The following PIP5K1B variants were observed in gnomAD, a reference collection of about 807,000 sequenced individuals.
The protein encoded by PIP5K1B is phosphatidylinositol 4-phosphate 5-kinase type-1 beta.
In PIP5K1B, 42 loss-of-function variants were observed where a neutral mutation model predicts 67.0. That is an observed-to-expected ratio of 0.63 (90% CI 0.49 to 0.81). PIP5K1B has a LOEUF of 0.81. PIP5K1B is among the 30% of genes least tolerant of loss of function. PIP5K1B has a pLI of 0.00. For synonymous variants in PIP5K1B, 214 were observed against 231.4 expected (o/e 0.92, Z 0.68); for missense variants, 459 against 646.3 (o/e 0.71, Z 3.14).
intron 15 of PIP5K1B, among the ~76,000 whole-genome samples, chr9:68,991,637 G>T (rs10746982): frequency 0.42 from 64,077 of 151,622 alleles, 15,047 homozygotes; most frequent in East Asian, 0.53. Flanking sequence ...GCCGAGAGGC[G>T]CAGAACTGGG....
At chr9:68,758,612 A>C (rs1471884670) in intron 2 of PIP5K1B, among the ~76,000 whole-genome samples, 2 of 152,120 alleles carry the variant, frequency 1.3e-5, no homozygotes, top group African/African-American at 2.4e-5. Flanking sequence ...GCAGAGCCTC[A>C]TGGACCTGTG....
chr9:68,744,876 C>G (rs1829208000), intron 2 of PIP5K1B, among the ~76,000 whole-genome samples: 1 of 152,144 alleles, frequency 6.6e-6, no homozygotes, highest in Non-Finnish European at 1.5e-5. Context: ...TCTAGAAAGC[C>G]CACCAATCCA....
At chr9:68,930,931 G>T (rs1826964344) in intron 12 of PIP5K1B, among the ~76,000 whole-genome samples, 1 of 151,906 alleles carries the variant, frequency 6.6e-6, no homozygotes, top group Non-Finnish European at 1.5e-5. Flanking sequence ...CCATTTCAAA[G>T]GGTAATTAAA....
At chr9:68,829,736 T>C (rs1021335648) in intron 4 of PIP5K1B, among the ~76,000 whole-genome samples, 5 of 152,232 alleles carry the variant, frequency 3.3e-5, no homozygotes, top group East Asian at 1.9e-4. Flanking sequence ...ATTTTTCTCA[T>C]TGATAAAATG....
intron 9 of PIP5K1B, among the ~76,000 whole-genome samples, chr9:68,918,903 G>A (rs1347754817): frequency 6.6e-6 from 1 of 151,978 alleles, no homozygotes; most frequent in African/African-American, 2.4e-5. Flanking sequence ...TTGTCATTTA[G>A]CAAGTAAAAA....
At chr9:68,733,063 G>A (rs960035324) in intron 1 of PIP5K1B, among the ~76,000 whole-genome samples, 1 of 152,152 alleles carries the variant, frequency 6.6e-6, no homozygotes, top group Non-Finnish European at 1.5e-5. Context: ...ATTTGATCTA[G>A]GTGTGGGCCG....
rs1328422628 is a variant in PIP5K1B, at chr9:68,813,971, G to A, written c.-85-4490G>A. ...GTCGTACTTTGTAGCGACAGCCCTA[G>A]GAAACTGATAAAACCTGTAAAAAGA... On this transcript the variant is annotated intron_variant, in intron 2 of 15. Coordinates refer to ENST00000265382, the MANE Select transcript of PIP5K1B (RefSeq NM_003558.4). Among the ~76,000 whole-genome samples, 3 of 152,330 alleles carry A rather than the reference G, an allele frequency of 2.0e-5. No homozygotes were observed. In the East Asian group the frequency reaches 5.8e-4, roughly 29 times the overall value.
At chr9:68,893,348 T>TTC (rs1824902915) in intron 7 of PIP5K1B, among the ~76,000 whole-genome samples, 1 of 147,256 alleles carries the variant, frequency 6.8e-6, no homozygotes, top group Admixed American at 6.7e-5. Flanking sequence ...TTTTTTTTTT[T>TTC]TTTGAGACAG....
At chr9:68,989,545 C>CT (rs559288737) in intron 14 of PIP5K1B, among the ~76,000 whole-genome samples, 2,525 of 148,186 alleles carry the variant, frequency 0.017, 54 homozygotes, top group African/African-American at 0.056. Flanking sequence ...TCTCCATTTT[C>CT]TTTTTTTTTT....
At chr9:68,719,222 G>T (rs376250172) in intron 1 of PIP5K1B, among the ~76,000 whole-genome samples, 1 of 151,980 alleles carries the variant, frequency 6.6e-6, no homozygotes, top group South Asian at 2.1e-4. Flanking sequence ...CTATATTATG[G>T]TCTAAAGCAG....
At chr9:68,866,404 CGTGT>C (rs963230917) in intron 5 of PIP5K1B, among the ~76,000 whole-genome samples, 1 of 150,954 alleles carries the variant, frequency 6.6e-6, no homozygotes, top group Admixed American at 6.6e-5. Context: ...AAGTGATACA[CGTGT>C]GTGTGTGTGT....
At chr9:69,003,057 C>T (rs564742189) in intron 15 of PIP5K1B, among the ~76,000 whole-genome samples, 11 of 152,018 alleles carry the variant, frequency 7.2e-5, no homozygotes, top group East Asian at 1.9e-4. Context: ...AAGGGGACCC[C>T]GGAGCCAAGG....
chr9:68,778,910 C>T (rs1234065228), intron 2 of PIP5K1B, among the ~76,000 whole-genome samples: 1 of 152,110 alleles, frequency 6.6e-6, no homozygotes, highest in Non-Finnish European at 1.5e-5. Context: ...ATACTCATTC[C>T]CCAGATGTCC....
chr9:68,875,714 C>T (rs774666321), intron 5 of PIP5K1B, among the ~76,000 whole-genome samples: 2 of 152,118 alleles, frequency 1.3e-5, no homozygotes, highest in Non-Finnish European at 2.9e-5. Context: ...CAATGTCCCA[C>T]CTAGAATGTA....
At chr9:68,917,453 CTG>C (rs1221284580) in intron 8 of PIP5K1B, 93 bp from the exon 9 acceptor site, 1 of 848,906 alleles carries the variant, frequency 1.2e-6, no homozygotes, top group Non-Finnish European at 2.0e-6. Flanking sequence ...ATAACAGGAG[CTG>C]TGTGTCTGTA....
intron 4 of PIP5K1B, among the ~76,000 whole-genome samples, chr9:68,835,837 ATTT>A (rs9314823): frequency 1.4e-5 from 2 of 144,290 alleles, no homozygotes; most frequent in Non-Finnish European, 1.5e-5. Flanking sequence ...TAGAAAGTGA[ATTT>A]TTTTTTTTTT....
intron 11 of PIP5K1B, among the ~76,000 whole-genome samples, chr9:68,922,011 C>T (rs1826430446): frequency 6.6e-6 from 1 of 152,178 alleles, no homozygotes. Flanking sequence ...AAGCGAACAA[C>T]AATGTAACTT....
At chr9:68,961,102 C>CTT (rs1001327106) in intron 14 of PIP5K1B, among the ~76,000 whole-genome samples, 2 of 151,500 alleles carry the variant, frequency 1.3e-5, no homozygotes, top group Admixed American at 1.3e-4. Flanking sequence ...CCCAGCTACT[C>CTT]GGGAGGCTGA....
Position 68,917,748 on chromosome 9 carries a change from G to A in PIP5K1B, c.972G>A (p.Glu324=), listed in dbSNP as rs199866770. ...AATCTGGAGATGGGATAATCACAGA[G>A]AACCCAGACACGTAAGTGCAGCCAC... is the stretch of plus-strand genomic sequence containing the variant. ...PGKSGDGIIT[E]NPDTMGGIPA... The change falls in exon 9 of 16, where the codon GAG becomes GAA. Residue 324 remains glutamate, a synonymous_variant. Coordinates refer to ENST00000265382, the MANE Select transcript of PIP5K1B (RefSeq NM_003558.4). 1.9e-6 allele frequency: 3 copies of A among 1,613,490 alleles called. No individual in the cohort carries two copies. The Admixed American group carries it at 5.0e-5, about 27-fold the overall frequency.
Sources: allele counts gnomAD v4.1 joint callset (sites outside exome capture counted in the v4.1 genomes callset), GRCh38; gene constraint gnomAD v4.1.1; transcripts MANE v1.5; gene names NCBI Gene and HGNC (gene_info 2026-07-23, HGNC 2026-07-21).